Variants in SCD5 observed in about 807,000 individuals in gnomAD.
The protein encoded by SCD5 is stearoyl-CoA desaturase 5.
In SCD5, 20 loss-of-function variants were observed where a neutral mutation model predicts 30.4. The ratio of observed to expected loss-of-function variants is 0.66; its 90% CI spans 0.46 to 0.96. SCD5 has a LOEUF of 0.96. Ranked by LOEUF, SCD5 falls within the 40% of genes least tolerant of loss-of-function variation. The pLI, the probability that SCD5 is intolerant of heterozygous loss-of-function variation, is 0.00. For missense variants in SCD5, 381 were observed against 443.3 expected (o/e 0.86, Z 1.26); for synonymous variants, 173 against 176.4 (o/e 0.98, Z 0.16).
chr4:82,704,790 C>T (rs1209162051), intron 2 of SCD5, among the ~76,000 whole-genome samples: 2 of 152,208 alleles, frequency 1.3e-5, no homozygotes, highest in Non-Finnish European at 2.9e-5. Context: ...GACTTGGAGT[C>T]AGGCTGGCCT....
intron 3 of SCD5, among the ~76,000 whole-genome samples, chr4:82,656,111 T>C (rs73829956): frequency 0.012 from 1,757 of 152,218 alleles, 38 homozygotes; most frequent in African/African-American, 0.04. Flanking sequence ...TTATTATTAT[T>C]ATTATACTTT....
At position 82,699,564 on chromosome 4, in the gene SCD5, T is replaced by C. The variant is rs1452832814; in HGVS notation, c.363+5719A>G. Among the ~76,000 whole-genome samples, 3 of 21,574 alleles carry C rather than the reference T, an allele frequency of 1.4e-4. No individual in the cohort carries two copies. In the South Asian group the frequency reaches 7.0e-3, roughly 50 times the overall value. The allele number at this position is 21,574 out of a possible 152,430, so 14.2% of individuals were successfully genotyped here. The stretch of plus-strand genomic sequence containing the variant: ...CATGCCTGGCTAATTTTGTTTTTTG[T>C]TTTTTGTTTTTTTTTTTTTTTGAGA... On this transcript the variant is annotated intron_variant, in intron 2 of 4. Coordinates refer to ENST00000319540, the MANE Select transcript of SCD5 (RefSeq NM_001037582.3).
chr4:82,720,452 A>C lies in SCD5; in HGVS notation c.233-15039T>G, dbSNP rs867838304. Among the ~76,000 whole-genome samples the C allele has an allele frequency of 7.3e-3, 1,097 of 150,488 alleles. 32 individuals carry two copies. The highest frequency in any genetic ancestry group is 0.025 in the African/African-American group (1,036 of 40,998). ...AAAAAAGGCAAAAATAAAAAAAAAAAAAAAAAAAAAAGACAAAAGAGAAAG... is the reference window on the plus strand; with the variant it reads ...AAAAAAGGCAAAAATAAAAAAAAAACAAAAAAAAAAAGACAAAAGAGAAAG... On this transcript the variant is annotated intron_variant, in intron 1 of 4. Coordinates refer to ENST00000319540, the MANE Select transcript of SCD5 (RefSeq NM_001037582.3).
intron 3 of SCD5, among the ~76,000 whole-genome samples, chr4:82,669,250 G>A (rs770171729): frequency 7.3e-5 from 11 of 150,914 alleles, no homozygotes; most frequent in Non-Finnish European, 1.5e-4. Flanking sequence ...ATAGATATGT[G>A]ATGCTCAAAA....
intron 2 of SCD5, among the ~76,000 whole-genome samples, chr4:82,694,302 C>T (rs1230649189): frequency 1.3e-5 from 2 of 152,180 alleles, no homozygotes; most frequent in Non-Finnish European, 2.9e-5. Context: ...GCCCACGGTT[C>T]CCACAGGCAT....
intron 3 of SCD5, among the ~76,000 whole-genome samples, chr4:82,650,525 G>A (rs912484230): frequency 9.9e-5 from 15 of 152,090 alleles, no homozygotes; most frequent in Non-Finnish European, 1.6e-4. Context: ...GCAAAACCGC[G>A]TCTCTACAAA....
intron 1 of SCD5, among the ~76,000 whole-genome samples, chr4:82,772,751 C>T (rs982070379): frequency 2.0e-5 from 3 of 152,192 alleles, no homozygotes; most frequent in Non-Finnish European, 2.9e-5. Flanking sequence ...CCCCGCTGTG[C>T]TCCCCTGAAC....
intron 3 of SCD5, among the ~76,000 whole-genome samples, chr4:82,653,629 C>G (rs1024035786): frequency 6.7e-6 from 1 of 149,936 alleles, no homozygotes; most frequent in Admixed American, 6.7e-5. Flanking sequence ...CACAAAAATC[C>G]ATGTTCTTAG....
chr4:82,747,151 C>T (rs1395666979), intron 1 of SCD5, among the ~76,000 whole-genome samples: 2 of 151,848 alleles, frequency 1.3e-5, no homozygotes, highest in African/African-American at 2.4e-5. Context: ...TCCTGTCACA[C>T]TCCTGGCGAG....
At chr4:82,693,727 G>A (rs1386029147) in intron 2 of SCD5, among the ~76,000 whole-genome samples, 1 of 152,208 alleles carries the variant, frequency 6.6e-6, no homozygotes, top group African/African-American at 2.4e-5. Flanking sequence ...GTTCCAGCCA[G>A]AGCCTCTGGT....
chr4:82,664,997 C>CTATATATATA (rs1434283229), intron 3 of SCD5, among the ~76,000 whole-genome samples: 21 of 79,382 alleles, frequency 2.6e-4, no homozygotes, highest in African/African-American at 3.2e-4. Context: ...CTCTCTCTCT[C>CTATATATATA]TCTATATATA....
At chr4:82,720,720 T>G (rs1272586710) in intron 1 of SCD5, among the ~76,000 whole-genome samples, 2 of 152,032 alleles carry the variant, frequency 1.3e-5, no homozygotes, top group Non-Finnish European at 2.9e-5. Flanking sequence ...CACAACTGAG[T>G]CTTTCCTCAG....
chr4:82,686,312 A>G (rs1353413367), intron 2 of SCD5, among the ~76,000 whole-genome samples: 1 of 152,146 alleles, frequency 6.6e-6, no homozygotes, highest in Non-Finnish European at 1.5e-5. Flanking sequence ...AGCCACTTGT[A>G]CGCTTTTCAA....
At chr4:82,791,848 C>T (rs1722104824) in intron 1 of SCD5, among the ~76,000 whole-genome samples, 1 of 152,160 alleles carries the variant, frequency 6.6e-6, no homozygotes, top group Admixed American at 6.5e-5. Flanking sequence ...GCTGTGTCAC[C>T]CTTTTGCAAA....
At chr4:82,767,346 T>C (rs1032113561) in intron 1 of SCD5, among the ~76,000 whole-genome samples, 5 of 152,170 alleles carry the variant, frequency 3.3e-5, no homozygotes, top group African/African-American at 4.8e-5. Flanking sequence ...TTGTGAACTC[T>C]AGCCATTTTG....
intron 2 of SCD5, among the ~76,000 whole-genome samples, chr4:82,701,517 A>G (rs1446405432): frequency 6.6e-6 from 1 of 152,160 alleles, no homozygotes; most frequent in African/African-American, 2.4e-5. Flanking sequence ...TAAAAAAAAA[A>G]AAGACTAAAC....
intron 3 of SCD5, among the ~76,000 whole-genome samples, chr4:82,646,516 T>C (rs1031230433): frequency 1.3e-5 from 2 of 152,252 alleles, no homozygotes; most frequent in African/African-American, 2.4e-5. Context: ...CTCTCCTGTG[T>C]GCAGTGTCTT....
rs544866554 is a variant in SCD5, at chr4:82,703,924, G to A, written c.363+1359C>T. 3.3e-5 allele frequency among the ~76,000 whole-genome samples: 5 copies of A among 152,304 alleles called. No homozygotes were observed. In the East Asian group the frequency reaches 9.6e-4, roughly 29 times the overall value. ...AAGATGGCTGAAGTCAAAATAAAGT[G>A]CAGCATAGTTCACACTGCCAGTGGT... On this transcript the variant is annotated intron_variant, in intron 2 of 4. Transcript: ENST00000319540.
intron 1 of SCD5, among the ~76,000 whole-genome samples, chr4:82,777,971 T>C (rs1721789136): frequency 7.0e-6 from 1 of 141,924 alleles, no homozygotes; most frequent in Non-Finnish European, 1.5e-5. Flanking sequence ...CCAACCCAAA[T>C]GCCCATCAAT....
Sources: gnomAD v4.1 joint callset for allele counts (sites outside exome capture counted in the v4.1 genomes callset) on GRCh38, gnomAD v4.1.1 for gene constraint, MANE v1.5 for transcripts, NCBI Gene and HGNC (gene_info 2026-07-23, HGNC 2026-07-21) for gene names.